Variants in RB1 observed in about 807,000 individuals in gnomAD.
RB1 encodes RB transcriptional corepressor 1, also known as retinoblastoma-associated protein.
In RB1, 18 loss-of-function variants were observed where a neutral mutation model predicts 135.4. That is an observed-to-expected ratio of 0.13 (90% CI 0.09 to 0.20). The LOEUF is 0.20. RB1 is among the 10% of genes least tolerant of loss of function. The pLI is 1.00. For missense variants in RB1, 868 were observed against 1,110.0 expected (o/e 0.78, Z 3.10); for synonymous variants, 365 against 373.2 (o/e 0.98, Z 0.25).
intron 17 of RB1, among the ~76,000 whole-genome samples, chr13:48,452,066 G>A (rs1349113241): frequency 6.6e-6 from 1 of 151,750 alleles, no homozygotes; most frequent in Non-Finnish European, 1.5e-5. Flanking sequence ...TAAGCTCCTG[G>A]ATTCATTGAT....
At chr13:48,310,435 A>G (rs1378215026) in intron 2 of RB1, among the ~76,000 whole-genome samples, 1 of 152,154 alleles carries the variant, frequency 6.6e-6, no homozygotes, top group African/African-American at 2.4e-5. Context: ...GAACTCCATT[A>G]TCTTGAACAT....
chr13:48,346,282 A>G (rs1952496246), intron 4 of RB1, among the ~76,000 whole-genome samples: 1 of 151,714 alleles, frequency 6.6e-6, no homozygotes, highest in Admixed American at 6.6e-5. Context: ...ATCGACCAAA[A>G]TGTCAACAGT....
chr13:48,360,102 T>C lies in RB1; in HGVS notation c.693T>C (p.Pro231=). ...TTGACTATTTTATTAAACTCTCACC[T>C]CCCATGTTGCTCAAAGAACCATATA... ...CVLDYFIKLS[P]PMLLKEPYKT... Residue 231 remains proline, a synonymous_variant, in exon 7 of 27, where the codon CCT becomes CCC. Coordinates refer to ENST00000267163, the MANE Select transcript of RB1 (RefSeq NM_000321.3). 1.2e-6 allele frequency: 2 copies of C among 1,612,706 alleles called. No homozygotes were observed. The highest frequency in any genetic ancestry group is 1.1e-5 in the South Asian group (1 of 91,060).
In RB1 at chr13:48,319,102, A is replaced by AG. The variant is rs1730231482; in HGVS notation, c.264+11697dup. Reference sequence around the variant, plus strand: ...ACCGTTCTACAAACTCGTTCCTGGAAGCCGGGCTCGCTGGAGGCGGAGCTT... The same window carrying AG: ...ACCGTTCTACAAACTCGTTCCTGGAAGGCCGGGCTCGCTGGAGGCGGAGCTT... On this transcript the variant is annotated intron_variant, in intron 2 of 26. Coordinates refer to ENST00000267163, the MANE Select transcript of RB1 (RefSeq NM_000321.3). The surrounding 1 kb of genome is among the most constrained non-coding windows in gnomAD (Gnocchi z 5.0). The AG allele has an allele frequency of 1.6e-6, 1 of 612,232 alleles. No homozygotes were observed. The highest frequency in any genetic ancestry group is 3.0e-6 in the Non-Finnish European group (1 of 330,888). 37.9% of individuals were successfully genotyped at this position (612,232 alleles called of 1,614,324 possible). A position where few individuals can be genotyped will look rare whatever the true frequency, so the allele number is the denominator to read the frequency against.
intron 17 of RB1, among the ~76,000 whole-genome samples, chr13:48,432,268 C>T (rs190559246): frequency 9.9e-5 from 15 of 152,224 alleles, no homozygotes; most frequent in Admixed American, 7.9e-4. Flanking sequence ...TTCCAGCTCA[C>T]CTCCCAGAAA....
chr13:48,444,696 C>T (rs892923414), intron 17 of RB1: 12 of 152,258 alleles, frequency 7.9e-5, no homozygotes, highest in Admixed American at 7.2e-4. Flanking sequence ...CAGAAGCTCT[C>T]CTAATCCAGT....
chr13:48,473,680 G>A (rs980878456), intron 24 of RB1, among the ~76,000 whole-genome samples: 1 of 151,980 alleles, frequency 6.6e-6, no homozygotes. Flanking sequence ...AGCTGTTTTT[G>A]CTCACAACAT....
chr13:48,317,640 G>A (rs1952197661), intron 2 of RB1: 1 of 499,682 alleles, frequency 2.0e-6, no homozygotes, highest in East Asian at 6.6e-5. Flanking sequence ...TGCTCGCTGA[G>A]AGCCCCTTGG....
At chr13:48,353,105 C>A (rs886154690) in intron 6 of RB1, among the ~76,000 whole-genome samples, 1 of 151,578 alleles carries the variant, frequency 6.6e-6, no homozygotes, top group Non-Finnish European at 1.5e-5. Context: ...AAAGAAAGAT[C>A]GAGCAGAAAT....
intron 2 of RB1, among the ~76,000 whole-genome samples, chr13:48,339,007 T>C: frequency 6.6e-6 from 1 of 152,184 alleles, no homozygotes; most frequent in African/African-American, 2.4e-5. Context: ...GAACAGCAGA[T>C]GTTGCTACCT....
rs528218090 is a variant in RB1 at position 48,303,964 on chromosome 13, G to T, written c.52G>T (p.Ala18Ser). The T allele has an allele frequency of 1.4e-4, 211 of 1,509,556 alleles. 1 individual carries two copies. The African/African-American group carries it at 2.8e-3, about 20-fold the overall frequency. The allele number at this position is 1,509,556 out of a possible 1,614,324, so 93.5% of individuals were successfully genotyped here. A position where few individuals can be genotyped will look rare whatever the true frequency, so the allele number is the denominator to read the frequency against. The change falls in exon 1 of 27, where the codon GCG (alanine) becomes TCG (serine). Residue 18 changes from alanine (A) to serine (S), a missense_variant. Ala to Ser is a moderately conservative substitution (Grantham distance 99). Around this residue, in one of 3 missense-constraint regions of RB1, gnomAD observed 641 missense variants for 791.3 expected, o/e 0.81. Transcript: ENST00000267163. Reference protein sequence around the residue: ...KTAATAAAAAAEPPAPPPPPP... With the variant: ...KTAATAAAAASEPPAPPPPPP... ...GGCCGCCACCGCCGCCGCTGCCGCC[G>T]CGGAACCCCCGGCACCGCCGCCGCC...
intron 7 of RB1, chr13:48,360,354 G>A: frequency 1.1e-6 from 1 of 872,238 alleles, no homozygotes; most frequent in Non-Finnish European, 1.6e-6. Flanking sequence ...ACAAATGGAG[G>A]TTTGGGAGAC....
intron 2 of RB1, chr13:48,318,957 G>A (rs1952210684): frequency 1.1e-6 from 1 of 898,852 alleles, no homozygotes; most frequent in African/African-American, 1.6e-5. Context: ...GAGTAGAAGC[G>A]TGGGCTTGCA....
chr13:48,333,919 A>G (rs1257829190), intron 2 of RB1, among the ~76,000 whole-genome samples: 1 of 152,144 alleles, frequency 6.6e-6, no homozygotes, highest in Non-Finnish European at 1.5e-5. Context: ...GATAGGGACA[A>G]ATGAGCAAGC....
chr13:48,368,401 T>C (rs887980054), intron 10 of RB1, 126 bp from the exon 11 acceptor site: 27 of 1,216,620 alleles, frequency 2.2e-5, no homozygotes, highest in Non-Finnish European at 3.1e-5. Flanking sequence ...TTCTATCCTA[T>C]CTATTATTGA....
At chr13:48,446,569 G>A (rs1320151710) in intron 17 of RB1, among the ~76,000 whole-genome samples, 2 of 152,168 alleles carry the variant, frequency 1.3e-5, no homozygotes, top group African/African-American at 4.8e-5. Context: ...CAAATAAATG[G>A]GAATTATGGC....
intron 2 of RB1, among the ~76,000 whole-genome samples, chr13:48,314,977 T>G (rs1408014579): frequency 1.3e-5 from 2 of 152,188 alleles, no homozygotes; most frequent in Non-Finnish European, 2.9e-5. Flanking sequence ...CTAGCTTTGG[T>G]CTTTTTGTGT....
At chr13:48,456,379 G>A (rs1438868952) in intron 19 of RB1, 30 bp downstream of exon 19, 1 of 1,611,486 alleles carries the variant, frequency 6.2e-7, no homozygotes, top group East Asian at 2.2e-5. Flanking sequence ...CAAGAGCATG[G>A]ACTCTGAAAC....
At chr13:48,415,591 G>GT (rs1948895544) in intron 17 of RB1, 3 of 152,034 alleles carry the variant, frequency 2.0e-5, no homozygotes, top group Non-Finnish European at 4.4e-5. Flanking sequence ...TTCATTTATA[G>GT]TTTTTTAATG....
Sources: gnomAD v4.1 joint callset for allele counts (sites outside exome capture counted in the v4.1 genomes callset) on GRCh38, gnomAD v4.1.1 for gene constraint, gnomAD v4.1.1 regional missense constraint, Gnocchi (gnomAD v3.1) non-coding constraint, MANE v1.5 for transcripts, NCBI Gene and HGNC (gene_info 2026-07-23, HGNC 2026-07-21) for gene names.